Variants in COL25A1 observed in about 807,000 individuals in gnomAD.
The protein encoded by COL25A1 is collagen type XXV alpha 1 chain, also known as collagen alpha-1(XXV) chain.
Under a neutral mutation model 128.4 loss-of-function variants are expected in COL25A1, and 103 were observed. The ratio of observed to expected loss-of-function variants is 0.80; its 90% CI spans 0.68 to 0.94. COL25A1 has a LOEUF of 0.94. COL25A1 is among the 40% of genes least tolerant of loss of function. The pLI is 0.00. For synonymous variants in COL25A1, 279 were observed against 277.2 expected (o/e 1.01, Z -0.06); for missense variants, 745 against 840.0 (o/e 0.89, Z 1.40).
At chr4:108,893,426 C>T (rs377100136) in intron 16 of COL25A1, among the ~76,000 whole-genome samples, 25 of 152,282 alleles carry the variant, frequency 1.6e-4, no homozygotes, top group African/African-American at 5.8e-4. Context: ...TCAATAGTAA[C>T]TCTACGCATG....
intron 5 of COL25A1, among the ~76,000 whole-genome samples, chr4:109,046,369 C>T (rs1028247375): frequency 3.3e-5 from 5 of 152,050 alleles, no homozygotes; most frequent in Admixed American, 1.3e-4. Flanking sequence ...TATATGGTTG[C>T]GTGATTTTTC....
intron 3 of COL25A1, among the ~76,000 whole-genome samples, chr4:109,097,603 G>C: frequency 6.7e-6 from 1 of 150,362 alleles, no homozygotes; most frequent in East Asian, 2.0e-4. Flanking sequence ...AAAAAAGCAA[G>C]ACCTTATCTC....
chr4:109,211,298 A>ATATGAAAC lies in COL25A1; in HGVS notation c.367+89284_367+89285insGTTTCATA, dbSNP rs1578450876. On this transcript the variant is annotated intron_variant, in intron 3 of 37. Transcript: ENST00000399132. Reference sequence around the variant, plus strand: ...ACTATATATATATGAAACTATATATATATATATATATATATATATATATAT... The same window carrying ATATGAAAC: ...ACTATATATATATGAAACTATATATATATGAAACTATATATATATATATATATATATAT... 8.6e-5 allele frequency among the ~76,000 whole-genome samples: 4 copies of ATATGAAAC among 46,262 alleles called. No individual in the cohort carries two copies. In the East Asian group the frequency reaches 1.6e-3, roughly 18 times the overall value. 30.3% of individuals were successfully genotyped at this position (46,262 alleles called of 152,430 possible). A position where few individuals can be genotyped will look rare whatever the true frequency, so the allele number is the denominator to read the frequency against.
intron 20 of COL25A1, among the ~76,000 whole-genome samples, chr4:108,867,935 C>T (rs1038177524): frequency 6.6e-6 from 1 of 151,950 alleles, no homozygotes; most frequent in Non-Finnish European, 1.5e-5. Flanking sequence ...TTTTAGAGCC[C>T]TCCCTAGGTT....
At chr4:109,190,112 A>G (rs372993169) in intron 3 of COL25A1, among the ~76,000 whole-genome samples, 12 of 152,304 alleles carry the variant, frequency 7.9e-5, no homozygotes, top group South Asian at 6.2e-4. Context: ...TGCAGAACCA[A>G]TCAAGCAGAT....
intron 8 of COL25A1, among the ~76,000 whole-genome samples, chr4:108,964,897 C>T (rs1751119810): frequency 6.6e-6 from 1 of 152,118 alleles, no homozygotes; most frequent in Non-Finnish European, 1.5e-5. Context: ...ATAATTTTCT[C>T]ATAATTTATT....
At chr4:109,172,724 A>G (rs917328863) in intron 3 of COL25A1, among the ~76,000 whole-genome samples, 2 of 152,198 alleles carry the variant, frequency 1.3e-5, no homozygotes, top group Non-Finnish European at 2.9e-5. Context: ...AATAAACAGC[A>G]TCCTAAAACC....
chr4:108,993,844 G>A (rs1754466876), intron 6 of COL25A1, among the ~76,000 whole-genome samples: 1 of 138,286 alleles, frequency 7.2e-6, no homozygotes, highest in Non-Finnish European at 1.5e-5. Context: ...TGGGCAGTAA[G>A]AGTGAAACTC....
chr4:108,984,931 A>G (rs1287678682), intron 6 of COL25A1, among the ~76,000 whole-genome samples: 1 of 152,180 alleles, frequency 6.6e-6, no homozygotes, highest in African/African-American at 2.4e-5. Context: ...GTAGAGCAAT[A>G]TAGGTTTTAT....
intron 37 of COL25A1, among the ~76,000 whole-genome samples, chr4:108,816,836 C>G (rs1172409337): frequency 6.6e-6 from 1 of 152,126 alleles, no homozygotes; most frequent in Non-Finnish European, 1.5e-5. Context: ...AAAGAATAAA[C>G]TTCTTTCATC....
chr4:109,165,855 A>T (rs147330239), intron 3 of COL25A1, among the ~76,000 whole-genome samples: 11 of 152,336 alleles, frequency 7.2e-5, no homozygotes, highest in African/African-American at 2.6e-4. Context: ...CATTAAGTAC[A>T]GTTTCTAACT....
intron 3 of COL25A1, among the ~76,000 whole-genome samples, chr4:109,132,972 A>G (rs747929312): frequency 7.2e-5 from 11 of 152,080 alleles, no homozygotes; most frequent in Non-Finnish European, 1.5e-4. Flanking sequence ...TTTCATAATG[A>G]AATATTTGAT....
chr4:108,934,423 A>G (rs1747166368), intron 11 of COL25A1, among the ~76,000 whole-genome samples: 1 of 152,190 alleles, frequency 6.6e-6, no homozygotes, highest in Admixed American at 6.5e-5. Context: ...AACATGGCAC[A>G]TGTATACCTA....
chr4:109,030,999 A>G (rs1321538623), intron 5 of COL25A1, among the ~76,000 whole-genome samples: 1 of 151,970 alleles, frequency 6.6e-6, no homozygotes, highest in African/African-American at 2.4e-5. Flanking sequence ...TCAGCCTCCC[A>G]AAGTGTTGGG....
intron 20 of COL25A1, 132 bp from the exon 21 acceptor site, chr4:108,863,519 T>G: frequency 1.6e-6 from 1 of 629,460 alleles, no homozygotes. Flanking sequence ...CCCAGCACTT[T>G]ATTAATCTCT....
At chr4:109,218,357 G>GTTTTTTTTTTTTTTGTTTTTTTT (rs1560887047) in intron 3 of COL25A1, among the ~76,000 whole-genome samples, 92 of 73,510 alleles carry the variant, frequency 1.3e-3, no homozygotes, top group East Asian at 5.6e-3. Flanking sequence ...GTTTTTTGGG[G>GTTTTTTTTTTTTTTGTTTTTTTT]TTTTTTTTTT....
intron 3 of COL25A1, among the ~76,000 whole-genome samples, chr4:109,212,027 T>C (rs893877297): frequency 1.3e-5 from 2 of 152,068 alleles, no homozygotes; most frequent in Non-Finnish European, 2.9e-5. Flanking sequence ...TAAAACAATA[T>C]GTTATTTTAA....
chr4:109,215,680 C>G (rs983805617), intron 3 of COL25A1, among the ~76,000 whole-genome samples: 11 of 152,200 alleles, frequency 7.2e-5, no homozygotes, highest in African/African-American at 2.4e-4. Context: ...CCTAAGAATG[C>G]CTTCCACATT....
At chr4:109,149,375 C>T (rs926844933) in intron 3 of COL25A1, among the ~76,000 whole-genome samples, 3 of 152,148 alleles carry the variant, frequency 2.0e-5, no homozygotes, top group South Asian at 2.1e-4. Flanking sequence ...CACTATTCTT[C>T]GACGTTCACC....
Sources: gnomAD v4.1 joint callset for allele counts (sites outside exome capture counted in the v4.1 genomes callset) on GRCh38, gnomAD v4.1.1 for gene constraint, MANE v1.5 for transcripts, NCBI Gene and HGNC (gene_info 2026-07-23, HGNC 2026-07-21) for gene names.